Variants in SHC3 observed in about 807,000 individuals in gnomAD.
SHC3 encodes the protein SHC-transforming protein 3.
A neutral mutation model predicts 60.4 loss-of-function variants in SHC3; 15 were observed. The ratio of observed to expected loss-of-function variants is 0.25; its 90% CI spans 0.17 to 0.38. SHC3 has a LOEUF of 0.38. Among genes scored for constraint, SHC3 ranks in the 10% least tolerant of loss-of-function variants. The pLI, the probability that SHC3 is intolerant of heterozygous loss-of-function variation, is 1.00. For missense variants in SHC3, 677 were observed against 786.1 expected, an observed-to-expected ratio of 0.86 and a Z score of 1.66; for synonymous variants, 294 against 325.9, an observed-to-expected ratio of 0.90 and a Z score of 1.05.
At chr9:89,147,768 T>C (rs1333062583) in intron 1 of SHC3, among the ~76,000 whole-genome samples, 3 of 151,698 alleles carry the variant, frequency 2.0e-5, no homozygotes, top group African/African-American at 7.3e-5. Context: ...ATCTAAAGCT[T>C]TAAGGCTCTC....
intron 11 of SHC3, among the ~76,000 whole-genome samples, chr9:89,035,531 A>C (rs1824557410): frequency 6.6e-6 from 1 of 152,196 alleles, no homozygotes; most frequent in African/African-American, 2.4e-5. Flanking sequence ...AATAGAATCC[A>C]GCACCCAGAA....
chr9:89,059,844 G>T (rs1417314325), intron 6 of SHC3, among the ~76,000 whole-genome samples: 1 of 125,982 alleles, frequency 7.9e-6, no homozygotes, highest in Non-Finnish European at 1.9e-5. Context: ...CATATAGGAT[G>T]TGGTGGAGGA....
intron 5 of SHC3, 61 bp from the exon 6 acceptor site, chr9:89,065,641 G>C: frequency 6.5e-7 from 1 of 1,538,508 alleles, no homozygotes. Context: ...ACACAGTCAG[G>C]GACACAGGGC....
intron 1 of SHC3, among the ~76,000 whole-genome samples, chr9:89,115,150 G>A (rs1399581869): frequency 6.6e-6 from 1 of 152,162 alleles, no homozygotes; most frequent in African/African-American, 2.4e-5. Context: ...CGAATAACAT[G>A]ACTGACATCT....
In SHC3 at chr9:89,143,878, G is replaced by A. The variant is rs147510885; in HGVS notation, c.475-31252C>T. Among the ~76,000 whole-genome samples, 339 of 152,168 alleles carry A rather than the reference G, an allele frequency of 2.2e-3. 4 individuals carry two copies. The highest frequency in any genetic ancestry group is 6.9e-3 in the African/African-American group (287 of 41,500). ...AAACATATATCCCTCATTTTCAGGC[G>A]AGAGGGAAGTACCACTAAACCTTTA... is the stretch of plus-strand genomic sequence containing the variant. On this transcript the variant is annotated intron_variant, in intron 1 of 11. Coordinates refer to ENST00000375835, the MANE Select transcript of SHC3 (RefSeq NM_016848.6).
chr9:89,131,920 AAGAG>A (rs1826252236), intron 1 of SHC3, among the ~76,000 whole-genome samples: 1 of 152,196 alleles, frequency 6.6e-6, no homozygotes, highest in South Asian at 2.1e-4. Context: ...GCAATCAGGC[AAGAG>A]AAAGAAATAA....
At position 89,037,842 on chromosome 9, in the gene SHC3, A is replaced by T. The variant is rs886635335; in HGVS notation, c.1656+151T>A. 4.0e-6 allele frequency: 4 copies of T among 998,990 alleles called. No individual in the cohort carries two copies. In the African/African-American group the frequency reaches 6.5e-5, roughly 16 times the overall value. 61.9% of individuals were successfully genotyped at this position (998,990 alleles called of 1,614,324 possible). On this transcript the variant is annotated intron_variant, in intron 11 of 11. Transcript: ENST00000375835. ...TGGCTCCTGGCTCTGGCCTGATGAC[A>T]GGAGTTGTCTGTCCCTGCGTTCCCC...
intron 1 of SHC3, among the ~76,000 whole-genome samples, chr9:89,159,145 C>CT (rs1359034416): frequency 6.6e-6 from 1 of 152,064 alleles, no homozygotes; most frequent in Non-Finnish European, 1.5e-5. Context: ...ACCATCTTTT[C>CT]TTTAAAAAAG....
At chr9:89,032,760 G>C (rs1564086722) in intron 11 of SHC3, among the ~76,000 whole-genome samples, 1 of 152,106 alleles carries the variant, frequency 6.6e-6, no homozygotes, top group Non-Finnish European at 1.5e-5. Flanking sequence ...TTTAGACGCA[G>C]AACTGTTTTC....
chr9:89,046,954 C>A lies in SHC3; in HGVS notation c.1003G>T (p.Asp335Tyr), dbSNP rs1381472613. The change falls in exon 8 of 12, where the codon GAT becomes TAT. Residue 335 changes from aspartate to tyrosine, a missense_variant. Physicochemically the swap from Asp to Tyr is radical, Grantham distance 160 (BLOSUM62 -3). Coordinates refer to ENST00000375835, the MANE Select transcript of SHC3 (RefSeq NM_016848.6). Reference protein sequence around the residue: ...LDEPWTEEEGDGSDHPYYNSI... With the variant: ...LDEPWTEEEGYGSDHPYYNSI... ...TTGTAGTATGGGTGGTCTGAGCCAT[C>A]TCCCTCCTCTTCCGTCCATGGCTCA... 3 of 1,609,820 alleles carry A rather than the reference C, an allele frequency of 1.9e-6. No individual in the cohort carries two copies. Among genetic ancestry groups the A allele is most frequent in the Non-Finnish European group, 2.5e-6 (3 of 1,178,122 alleles).
chr9:89,080,299 T>G (rs945348810), intron 2 of SHC3, among the ~76,000 whole-genome samples: 2 of 152,188 alleles, frequency 1.3e-5, no homozygotes, highest in Admixed American at 1.3e-4. Flanking sequence ...CCTGTTTCTG[T>G]GAGCCAAATC....
At position 89,052,070 on chromosome 9, in the gene SHC3, T is replaced by C. The variant is rs766599639; in HGVS notation, c.929A>G (p.Gln310Arg). 1.9e-6 allele frequency: 3 copies of C among 1,614,094 alleles called. No individual in the cohort carries two copies. The highest frequency in any genetic ancestry group is 2.7e-5 in the African/African-American group (2 of 75,050). ...GAGAGCGGGAATCTTGGTAGGACACTGTAAATATTGCTTAAACCGGAGCTC... is the reference window on the plus strand; with the variant it reads ...GAGAGCGGGAATCTTGGTAGGACACCGTAAATATTGCTTAAACCGGAGCTC... ...AFELRFKQYL[Q>R]CPTKIPALHD... The change falls in exon 7 of 12, where the codon CAG (glutamine) becomes CGG (arginine). Residue 310 changes from glutamine (Q) to arginine (R), a missense_variant. Gln to Arg is a conservative substitution (Grantham distance 43, BLOSUM62 1). Transcript: ENST00000375835.
At chr9:89,074,428 T>C (rs1226392358) in intron 4 of SHC3, among the ~76,000 whole-genome samples, 1 of 152,112 alleles carries the variant, frequency 6.6e-6, no homozygotes, top group Non-Finnish European at 1.5e-5. Flanking sequence ...AAGTGCCTTG[T>C]TGGTAGCTAA....
chr9:89,086,310 C>T (rs571057908), intron 2 of SHC3, among the ~76,000 whole-genome samples: 1 of 152,188 alleles, frequency 6.6e-6, no homozygotes, highest in African/African-American at 2.4e-5. Flanking sequence ...TTTTACCTCT[C>T]CTTCTGACTA....
At position 89,036,978 on chromosome 9, in the gene SHC3, A is replaced by AAG. The variant is rs398046602; in HGVS notation, c.1656+1014_1656+1015insCT. ...ACATATATGTTAAAAAAAAAAAAAAAGAAGGTGGATTGGAAGGAGATAGGT... is the reference window on the plus strand; with the variant it reads ...ACATATATGTTAAAAAAAAAAAAAAAAGGAAGGTGGATTGGAAGGAGATAGGT... On this transcript the variant is annotated intron_variant, in intron 11 of 11. Coordinates refer to ENST00000375835, the MANE Select transcript of SHC3 (RefSeq NM_016848.6). Among the ~76,000 whole-genome samples, 8 of 150,232 alleles carry AAG rather than the reference A, an allele frequency of 5.3e-5. No individual in the cohort carries two copies. The South Asian group carries it at 1.7e-3, about 32-fold the overall frequency.
At chr9:89,101,871 T>C (rs1181085581) in intron 2 of SHC3, among the ~76,000 whole-genome samples, 1 of 152,160 alleles carries the variant, frequency 6.6e-6, no homozygotes, top group African/African-American at 2.4e-5. Flanking sequence ...TGTTCCCTCC[T>C]ATATTCTGGA....
intron 1 of SHC3, among the ~76,000 whole-genome samples, chr9:89,117,748 A>G (rs916932485): frequency 2.6e-5 from 4 of 152,048 alleles, no homozygotes; most frequent in Non-Finnish European, 4.4e-5. Flanking sequence ...TATTTTAATA[A>G]TATTTATTAT....
intron 10 of SHC3, among the ~76,000 whole-genome samples, chr9:89,041,642 G>C (rs11789630): frequency 0.052 from 7,921 of 152,328 alleles, 273 homozygotes; most frequent in Middle Eastern, 0.088. Flanking sequence ...CATAGACCTA[G>C]AGATCCGTGG....
intron 9 of SHC3, 92 bp downstream of exon 9, chr9:89,045,654 T>TC: frequency 9.2e-7 from 1 of 1,091,002 alleles, no homozygotes; most frequent in Non-Finnish European, 1.4e-6. Context: ...GGTCACTCTG[T>TC]CAGTCCACAG....
Sources: allele counts gnomAD v4.1 joint callset (sites outside exome capture counted in the v4.1 genomes callset), GRCh38; gene constraint gnomAD v4.1.1; transcripts MANE v1.5; gene names NCBI Gene and HGNC (gene_info 2026-07-23, HGNC 2026-07-21).